The following CDH13 variants were observed in gnomAD, a reference collection of about 807,000 sequenced individuals.
CDH13 encodes the protein cadherin 13.
Under a neutral mutation model 63.8 loss-of-function variants are expected in CDH13, and 24 were observed. That is an observed-to-expected ratio of 0.38 (90% CI 0.27 to 0.53). The LOEUF is 0.53. Among genes scored for constraint, CDH13 ranks in the 20% least tolerant of loss-of-function variants. The probability of loss-of-function intolerance (pLI) is 0.85; values close to 1 mark genes in which losing one functional copy is unlikely to be tolerated. For missense variants in CDH13, 1,049 were observed against 903.1 expected, an observed-to-expected ratio of 1.16 and a Z score of -2.07; for synonymous variants, 503 against 355.3, an observed-to-expected ratio of 1.42 and a Z score of -4.67.
chr16:83,289,128 C>A (rs1205522311), intron 5 of CDH13, among the ~76,000 whole-genome samples: 1 of 152,060 alleles, frequency 6.6e-6, no homozygotes, highest in Non-Finnish European at 1.5e-5. Flanking sequence ...CTACAAGAAC[C>A]AAAAAAGACA....
intron 1 of CDH13, among the ~76,000 whole-genome samples, chr16:82,797,645 T>G (rs1048953074): frequency 6.6e-6 from 1 of 152,076 alleles, no homozygotes; most frequent in Admixed American, 6.6e-5. Context: ...TTTACCTGTT[T>G]AGGAAAAAAA....
intron 2 of CDH13, among the ~76,000 whole-genome samples, chr16:83,026,534 A>G (rs769116261): frequency 6.6e-6 from 1 of 152,248 alleles, no homozygotes; most frequent in Non-Finnish European, 1.5e-5. Context: ...AAGTATAGAT[A>G]TACTTGTAGT....
At chr16:82,941,868 C>T (rs971433441) in intron 2 of CDH13, among the ~76,000 whole-genome samples, 5 of 152,156 alleles carry the variant, frequency 3.3e-5, no homozygotes, top group Admixed American at 6.5e-5. Flanking sequence ...AGTTGTTCTC[C>T]AGAATATAAC....
intron 6 of CDH13, among the ~76,000 whole-genome samples, chr16:83,377,296 A>G (rs1158765287): frequency 1.3e-5 from 2 of 152,222 alleles, no homozygotes; most frequent in African/African-American, 2.4e-5. Flanking sequence ...TTTAACAAAT[A>G]TAAGACAAAA....
intron 1 of CDH13, among the ~76,000 whole-genome samples, chr16:82,674,658 A>T (rs760294334): frequency 2.0e-5 from 3 of 152,224 alleles, no homozygotes; most frequent in African/African-American, 4.8e-5. Flanking sequence ...GCAAAACATT[A>T]TTGAGAAATA....
At chr16:83,426,872 G>A (rs1012819170) in intron 6 of CDH13, among the ~76,000 whole-genome samples, 1 of 123,286 alleles carries the variant, frequency 8.1e-6, no homozygotes, top group Non-Finnish European at 1.7e-5. Flanking sequence ...ATATGACTTT[G>A]TCCTAATTCT....
chr16:82,811,768 C>G (rs1564026), intron 1 of CDH13, among the ~76,000 whole-genome samples: 28,740 of 151,876 alleles, frequency 0.19, 2,945 homozygotes, highest in African/African-American at 0.27. Context: ...AACTCTATGA[C>G]AATTGGGTAT....
In CDH13 at chr16:83,326,322, C is replaced by G. The variant is rs143028360; in HGVS notation, c.637-18540C>G. Among the ~76,000 whole-genome samples, 696 of 152,226 alleles carry G rather than the reference C, an allele frequency of 4.6e-3. 9 individuals carry two copies. The highest frequency in any genetic ancestry group is 0.016 in the African/African-American group (675 of 41,518). ...ATCCCATCACTATCTTCTCTCTTAC[C>G]TGGGGCATATTCTTTAAGGGGTAGC... On this transcript the variant is annotated intron_variant, in intron 5 of 13. Transcript: ENST00000567109.
intron 6 of CDH13, among the ~76,000 whole-genome samples, chr16:83,389,883 T>C (rs2091751859): frequency 6.6e-6 from 1 of 152,248 alleles, no homozygotes; most frequent in African/African-American, 2.4e-5. Flanking sequence ...CCTGTGCATC[T>C]GCATGCAGAC....
At chr16:83,525,674 G>A (rs984881270) in intron 7 of CDH13, among the ~76,000 whole-genome samples, 5 of 152,144 alleles carry the variant, frequency 3.3e-5, no homozygotes, top group African/African-American at 1.2e-4. Flanking sequence ...GGACTATGTT[G>A]CCTACCTGAG....
chr16:82,908,755 A>C (rs967167638), intron 2 of CDH13, among the ~76,000 whole-genome samples: 7 of 152,140 alleles, frequency 4.6e-5, no homozygotes, highest in Non-Finnish European at 1.0e-4. Flanking sequence ...ATCTGCAGAT[A>C]CTCAAGTCTC....
At chr16:82,760,741 T>A (rs1016221162) in intron 1 of CDH13, among the ~76,000 whole-genome samples, 1 of 152,162 alleles carries the variant, frequency 6.6e-6, no homozygotes, top group African/African-American at 2.4e-5. Flanking sequence ...AGAAGCATGG[T>A]GCCAGCATCT....
At chr16:83,727,686 A>T (rs1396663768) in intron 10 of CDH13, among the ~76,000 whole-genome samples, 1 of 152,150 alleles carries the variant, frequency 6.6e-6, no homozygotes, top group African/African-American at 2.4e-5. Context: ...TTGCATTCAA[A>T]GGCCAAAAAA....
chr16:82,934,674 C>G (rs924699339), intron 2 of CDH13, among the ~76,000 whole-genome samples: 7 of 152,124 alleles, frequency 4.6e-5, no homozygotes, highest in Non-Finnish European at 1.0e-4. Flanking sequence ...GAAATTTCTT[C>G]CACCAGATAC....
At chr16:83,748,523 G>T (rs1567570093) in intron 11 of CDH13, among the ~76,000 whole-genome samples, 1 of 152,208 alleles carries the variant, frequency 6.6e-6, no homozygotes, top group Admixed American at 6.5e-5. Flanking sequence ...GTGGAGGTTA[G>T]AAAGCCACGC....
At chr16:82,690,164 C>CAAA (rs35051579) in intron 1 of CDH13, among the ~76,000 whole-genome samples, 59 of 51,990 alleles carry the variant, frequency 1.1e-3, no homozygotes, top group East Asian at 4.2e-3. Context: ...AACTCTGTCT[C>CAAA]AAAAAAAAAA....
intron 6 of CDH13, among the ~76,000 whole-genome samples, chr16:83,410,408 T>C (rs74752920): frequency 0.032 from 4,853 of 152,274 alleles, 91 homozygotes; most frequent in East Asian, 0.12. Context: ...AAAGCAAATA[T>C]GAAAATTCAT....
chr16:83,282,156 T>G (rs763091812), intron 5 of CDH13, among the ~76,000 whole-genome samples: 8 of 152,180 alleles, frequency 5.3e-5, no homozygotes, highest in Non-Finnish European at 8.8e-5. Context: ...CAATTACATT[T>G]GCCATCTTTT....
intron 1 of CDH13, among the ~76,000 whole-genome samples, chr16:82,733,127 T>G (rs1047186266): frequency 6.6e-6 from 1 of 152,216 alleles, no homozygotes; most frequent in Non-Finnish European, 1.5e-5. Flanking sequence ...AGAAGTTTGC[T>G]ATCCAACTGG....
Sources: gnomAD v4.1 joint callset for allele counts (sites outside exome capture counted in the v4.1 genomes callset) on GRCh38, gnomAD v4.1.1 for gene constraint, MANE v1.5 for transcripts, NCBI Gene and HGNC (gene_info 2026-07-23, HGNC 2026-07-21) for gene names.